Variants in GHR observed in about 807,000 individuals in gnomAD.
The protein encoded by GHR is GH receptor.
In GHR, 35 loss-of-function variants were observed where a neutral mutation model predicts 67.1. That is an observed-to-expected ratio of 0.52 (90% CI 0.40 to 0.69). The LOEUF (loss-of-function observed/expected upper bound fraction) is 0.69. Ranked by LOEUF, GHR falls within the 30% of genes least tolerant of loss-of-function variation. The pLI is 0.00. For missense variants in GHR, 792 were observed against 764.6 expected, an observed-to-expected ratio of 1.04 and a Z score of -0.42; for synonymous variants, 272 against 269.1, an observed-to-expected ratio of 1.01 and a Z score of -0.10.
intron 2 of GHR, among the ~76,000 whole-genome samples, chr5:42,618,462 T>C (rs746660425): frequency 6.6e-6 from 1 of 152,094 alleles, no homozygotes; most frequent in Non-Finnish European, 1.5e-5. Flanking sequence ...AGAGTAAACA[T>C]ATTACAGATA....
At chr5:42,559,272 G>A (rs1431208624) in intron 1 of GHR, among the ~76,000 whole-genome samples, 1 of 152,118 alleles carries the variant, frequency 6.6e-6, no homozygotes. Context: ...TGGATGTGGT[G>A]GCTTATGGCT....
rs745832673 is a variant in GHR, at chr5:42,617,698, A to G, written c.71-11340A>G. Reference sequence around the variant, plus strand: ...GTGTCCTTGTTCTGCCAAAAAGCATATGGGGCAGGTTGCCCCTTCAGGCTG... The same window carrying G: ...GTGTCCTTGTTCTGCCAAAAAGCATGTGGGGCAGGTTGCCCCTTCAGGCTG... On this transcript the variant is annotated intron_variant, in intron 2 of 9. Coordinates refer to ENST00000230882, the MANE Select transcript of GHR (RefSeq NM_000163.5). Among the ~76,000 whole-genome samples, 10 of 152,264 alleles carry G rather than the reference A, an allele frequency of 6.6e-5. No homozygotes were observed. In the South Asian group the frequency reaches 2.1e-3, roughly 32 times the overall value.
intron 1 of GHR, among the ~76,000 whole-genome samples, chr5:42,490,795 C>G (rs1746083308): frequency 6.6e-6 from 1 of 152,052 alleles, no homozygotes; most frequent in Non-Finnish European, 1.5e-5. Context: ...ATATCATAGC[C>G]TATAATATGG....
Position 42,713,469 on chromosome 5 carries a change from AT to A in GHR, c.828del (p.Phe276LeufsTer3). The A allele has an allele frequency of 6.6e-7, 1 of 1,507,802 alleles. No individual in the cohort carries two copies. The allele number at this position is 1,507,802 out of a possible 1,614,324, so 93.4% of individuals were successfully genotyped here. On this transcript the variant is annotated frameshift_variant, in exon 8 of 10. Coordinates refer to ENST00000230882, the MANE Select transcript of GHR (RefSeq NM_000163.5). LOFTEE classifies it high-confidence loss of function. Reference protein sequence around the residue: ...PWLLIIIFGIFGLTVMLFVFL... With the variant: ...PWLLIIIFGIXGLTVMLFVFL... ...GGCTCTTAATTATTATCTTTGGAAT[AT>A]TTGGGCTAACAGTGATGCTATTTGT...
chr5:42,454,623 A>G (rs1369970565), intron 1 of GHR, among the ~76,000 whole-genome samples: 1 of 152,182 alleles, frequency 6.6e-6, no homozygotes, highest in Admixed American at 6.5e-5. Context: ...GGCACAGAAT[A>G]GTTCACCAGG....
At chr5:42,465,289 G>A (rs545882518) in intron 1 of GHR, 3 of 651,200 alleles carry the variant, frequency 4.6e-6, no homozygotes, top group African/African-American at 1.9e-5. Context: ...TGAATGTGAT[G>A]ATCTTGAAGA....
chr5:42,453,805 G>T (rs1293623307), intron 1 of GHR, among the ~76,000 whole-genome samples: 2 of 152,316 alleles, frequency 1.3e-5, no homozygotes, highest in African/African-American at 2.4e-5. Flanking sequence ...TGGAGTGCCA[G>T]GGGGAACAAG....
intron 1 of GHR, among the ~76,000 whole-genome samples, chr5:42,511,003 G>C (rs1417419742): frequency 6.6e-6 from 1 of 152,140 alleles, no homozygotes; most frequent in African/African-American, 2.4e-5. Context: ...GAAAAATCTT[G>C]TTTCCATGTA....
intron 6 of GHR, among the ~76,000 whole-genome samples, chr5:42,707,816 G>A (rs1011676957): frequency 5.3e-5 from 8 of 151,594 alleles, no homozygotes; most frequent in South Asian, 2.1e-4. Context: ...TTAAATTTTC[G>A]ATGTCACACT....
chr5:42,568,225 A>AT (rs904027202), intron 2 of GHR, among the ~76,000 whole-genome samples: 14 of 150,924 alleles, frequency 9.3e-5, no homozygotes, highest in African/African-American at 2.7e-4. Flanking sequence ...CCCTGAAAGG[A>AT]TTTTTTTTTA....
At chr5:42,648,583 C>T (rs1162482616) in intron 3 of GHR, among the ~76,000 whole-genome samples, 2 of 152,074 alleles carry the variant, frequency 1.3e-5, no homozygotes, top group African/African-American at 2.4e-5. Context: ...AAACCCCTCC[C>T]CTTCTTTATT....
rs1039790934 is a variant in GHR at position 42,590,224 on chromosome 5, G to T, written c.70+24280G>T. Among the ~76,000 whole-genome samples the T allele has an allele frequency of 7.2e-5, 11 of 152,192 alleles. No homozygotes were observed. In the East Asian group the frequency reaches 2.1e-3, roughly 29 times the overall value. ...TGTTCTGAACACACACTAAGCAGTT[G>T]GTCAAAGTATTAAGCTAGAGACAAC... On this transcript the variant is annotated intron_variant, in intron 2 of 9. Coordinates refer to ENST00000230882, the MANE Select transcript of GHR (RefSeq NM_000163.5).
chr5:42,640,810 C>CA (rs1298879864), intron 3 of GHR, among the ~76,000 whole-genome samples: 1 of 151,408 alleles, frequency 6.6e-6, no homozygotes, highest in African/African-American at 2.4e-5. Context: ...GTATTTCTAC[C>CA]AAAAAATACA....
At chr5:42,689,827 A>C (rs1403163588) in intron 4 of GHR, among the ~76,000 whole-genome samples, 1 of 152,182 alleles carries the variant, frequency 6.6e-6, no homozygotes, top group Non-Finnish European at 1.5e-5. Context: ...GCTTTAAAAG[A>C]TGTAGCTTTG....
chr5:42,481,148 G>A (rs1319984854), intron 1 of GHR, among the ~76,000 whole-genome samples: 1 of 152,056 alleles, frequency 6.6e-6, no homozygotes, highest in Non-Finnish European at 1.5e-5. Flanking sequence ...CACTTATGAA[G>A]CTTAGTTTGG....
At chr5:42,477,085 A>G in intron 1 of GHR, among the ~76,000 whole-genome samples, 2 of 124,922 alleles carry the variant, frequency 1.6e-5, no homozygotes, top group Non-Finnish European at 3.1e-5. Context: ...TCCTGTGTCC[A>G]TGTGTTCTCA....
At chr5:42,507,766 G>A (rs545801845) in intron 1 of GHR, among the ~76,000 whole-genome samples, 2 of 152,312 alleles carry the variant, frequency 1.3e-5, no homozygotes, top group South Asian at 4.1e-4. Context: ...CATGGAGGAG[G>A]GGTCTTGTGA....
At chr5:42,666,111 G>A (rs948751445) in intron 3 of GHR, among the ~76,000 whole-genome samples, 10 of 151,330 alleles carry the variant, frequency 6.6e-5, no homozygotes, top group Admixed American at 4.6e-4. Context: ...CAGTTTTCAG[G>A]TCTTCTATTT....
At chr5:42,458,324 C>T (rs1446683403) in intron 1 of GHR, among the ~76,000 whole-genome samples, 1 of 152,028 alleles carries the variant, frequency 6.6e-6, no homozygotes, top group Non-Finnish European at 1.5e-5. Flanking sequence ...GAAATAATGC[C>T]ACACACCTAC....
Sources: allele counts gnomAD v4.1 joint callset (sites outside exome capture counted in the v4.1 genomes callset), GRCh38; gene constraint gnomAD v4.1.1; transcripts MANE v1.5; gene names NCBI Gene and HGNC (gene_info 2026-07-23, HGNC 2026-07-21).